The following PTPRT variants were observed in gnomAD, a reference collection of about 807,000 sequenced individuals.
PTPRT encodes receptor-type tyrosine-protein phosphatase T.
A neutral mutation model predicts 176.8 loss-of-function variants in PTPRT; 56 were observed. The ratio of observed to expected loss-of-function variants is 0.32; its 90% confidence interval spans 0.26 to 0.40. The LOEUF (loss-of-function observed/expected upper bound fraction) is 0.40, where lower values mean the gene tolerates loss of function less well. PTPRT is among the 10% of genes least tolerant of loss of function. The pLI is 1.00. For synonymous variants in PTPRT, 783 were observed against 739.0 expected (o/e 1.06, Z -0.96); for missense variants, 1,540 against 1,908.2 (o/e 0.81, Z 3.60).
At chr20:42,668,135 TG>T (rs1319691107) in intron 7 of PTPRT, among the ~76,000 whole-genome samples, 1 of 152,052 alleles carries the variant, frequency 6.6e-6, no homozygotes, top group African/African-American at 2.4e-5. Flanking sequence ...AAGTAGGTGG[TG>T]GGGGGAAAGA....
chr20:42,381,671 G>T (rs1876741856), intron 9 of PTPRT, among the ~76,000 whole-genome samples: 2 of 152,088 alleles, frequency 1.3e-5, no homozygotes, highest in Non-Finnish European at 2.9e-5. Flanking sequence ...TGGAAGAAAA[G>T]GAGGGAGGGA....
intron 9 of PTPRT, among the ~76,000 whole-genome samples, chr20:42,419,049 T>C (rs73271531): frequency 1.3e-5 from 2 of 152,274 alleles, no homozygotes; most frequent in African/African-American, 2.4e-5. Context: ...ACAAATGAAC[T>C]AGCAAATGAA....
chr20:42,204,107 T>G (rs571556391), intron 15 of PTPRT, among the ~76,000 whole-genome samples: 1 of 152,178 alleles, frequency 6.6e-6, no homozygotes. Context: ...AGTAGATACG[T>G]GCAAAGAAAG....
At position 42,202,989 on chromosome 20, in the gene PTPRT, T is replaced by C. The variant is rs777985875; in HGVS notation, c.2343-3601A>G. ...AAACTAAGCATCCCCAAAACACATA[T>C]TTAAAAATTGGAAAGCTAACTGAAT... On this transcript the variant is annotated intron_variant, in intron 15 of 30. Coordinates refer to ENST00000373187, the MANE Select transcript of PTPRT (RefSeq NM_007050.6). Among the ~76,000 whole-genome samples the C allele has an allele frequency of 2.0e-5, 3 of 152,204 alleles. No homozygotes were observed. In the East Asian group the frequency reaches 5.8e-4, roughly 29 times the overall value.
chr20:42,581,341 C>T (rs573571024), intron 7 of PTPRT, among the ~76,000 whole-genome samples: 48 of 152,236 alleles, frequency 3.2e-4, no homozygotes, highest in African/African-American at 1.2e-3. Context: ...TTTAGCATAC[C>T]ATGAACTCTA....
At chr20:43,171,166 T>G (rs557991361) in intron 1 of PTPRT, among the ~76,000 whole-genome samples, 2 of 152,326 alleles carry the variant, frequency 1.3e-5, no homozygotes, top group East Asian at 3.9e-4. Flanking sequence ...ATTATTATCT[T>G]TCTTTAGAAA....
chr20:42,101,187 G>A (rs1462822993), intron 26 of PTPRT, among the ~76,000 whole-genome samples: 2 of 152,182 alleles, frequency 1.3e-5, no homozygotes, highest in Non-Finnish European at 2.9e-5. Context: ...AGCCTCAGGA[G>A]GTGAGATGTT....
At position 42,914,767 on chromosome 20, in the gene PTPRT, G is replaced by A. The variant is rs74522777; in HGVS notation, c.89-28835C>T. 9.4e-3 allele frequency among the ~76,000 whole-genome samples: 1,434 copies of A among 152,226 alleles called. 9 individuals are homozygous for A. Among genetic ancestry groups the A allele is most frequent in the South Asian group, 0.015 (72 of 4,822 alleles). On this transcript the variant is annotated intron_variant, in intron 1 of 30. Coordinates refer to ENST00000373187, the MANE Select transcript of PTPRT (RefSeq NM_007050.6). Reference sequence around the variant, plus strand: ...CACATTATCAATACATAAGGGATAAGTGGATAGGGGTATGGGTGAAACAAA... The same window carrying A: ...CACATTATCAATACATAAGGGATAAATGGATAGGGGTATGGGTGAAACAAA...
chr20:42,559,767 T>C (rs2072920078), intron 7 of PTPRT, among the ~76,000 whole-genome samples: 1 of 152,246 alleles, frequency 6.6e-6, no homozygotes, highest in African/African-American at 2.4e-5. Context: ...GCAATTGTAC[T>C]TAGCCTGTTT....
At chr20:43,018,323 AT>A (rs1269130467) in intron 1 of PTPRT, among the ~76,000 whole-genome samples, 1 of 152,266 alleles carries the variant, frequency 6.6e-6, no homozygotes, top group Non-Finnish European at 1.5e-5. Context: ...TTTGAAAAAA[AT>A]ATTACATTCT....
rs1980158881 is a variant in PTPRT at position 42,935,904 on chromosome 20, A to G, written c.89-49972T>C. 5.9e-5 allele frequency among the ~76,000 whole-genome samples: 9 copies of G among 152,286 alleles called. No individual in the cohort carries two copies. The South Asian group carries it at 1.9e-3, about 32-fold the overall frequency. The stretch of plus-strand genomic sequence containing the variant: ...AGCTGGGATTACAGCATGTGCCACC[A>G]CATCTAGCTAATTCTGTATTTTTAA... On this transcript the variant is annotated intron_variant, in intron 1 of 30. Coordinates refer to ENST00000373187, the MANE Select transcript of PTPRT (RefSeq NM_007050.6).
At chr20:42,393,832 T>C (rs1391572730) in intron 9 of PTPRT, among the ~76,000 whole-genome samples, 2 of 152,208 alleles carry the variant, frequency 1.3e-5, no homozygotes, top group African/African-American at 2.4e-5. Flanking sequence ...TAGGAATGTA[T>C]AGGTCACATG....
chr20:42,591,220 G>T (rs2073568449), intron 7 of PTPRT, among the ~76,000 whole-genome samples: 1 of 152,024 alleles, frequency 6.6e-6, no homozygotes, highest in Non-Finnish European at 1.5e-5. Flanking sequence ...TGATAAATTT[G>T]ACTACATGAT....
chr20:42,489,898 G>C (rs1299861166), intron 7 of PTPRT, among the ~76,000 whole-genome samples: 2 of 152,118 alleles, frequency 1.3e-5, no homozygotes, highest in Non-Finnish European at 2.9e-5. Context: ...TGACATCTTA[G>C]GTCTCCAAAG....
chr20:42,640,083 T>C (rs967226555), intron 7 of PTPRT, among the ~76,000 whole-genome samples: 3 of 152,138 alleles, frequency 2.0e-5, no homozygotes, highest in African/African-American at 7.2e-5. Context: ...TGCTACAATC[T>C]GGTTTCTGCC....
At chr20:42,563,069 A>G (rs1297659939) in intron 7 of PTPRT, among the ~76,000 whole-genome samples, 3 of 152,214 alleles carry the variant, frequency 2.0e-5, no homozygotes, top group Non-Finnish European at 4.4e-5. Context: ...AATTAAAAAC[A>G]TCTCTATATA....
intron 7 of PTPRT, among the ~76,000 whole-genome samples, chr20:42,592,179 G>A (rs1449189069): frequency 1.3e-5 from 2 of 150,120 alleles, no homozygotes; most frequent in Non-Finnish European, 3.0e-5. Context: ...GTTTCACCGT[G>A]TTAGCCAGGA....
intron 15 of PTPRT, among the ~76,000 whole-genome samples, chr20:42,203,005 C>T (rs1991512781): frequency 6.6e-6 from 1 of 152,028 alleles, no homozygotes; most frequent in Non-Finnish European, 1.5e-5. Context: ...AATTGGAAAG[C>T]TAACTGAATT....
intron 1 of PTPRT, among the ~76,000 whole-genome samples, chr20:42,890,724 G>A (rs1333423470): frequency 2.0e-5 from 3 of 152,116 alleles, no homozygotes; most frequent in Non-Finnish European, 2.9e-5. Flanking sequence ...GGCCCCAGAC[G>A]TTGCTGCAGG....
Sources: gnomAD v4.1 joint callset for allele counts (sites outside exome capture counted in the v4.1 genomes callset) on GRCh38, gnomAD v4.1.1 for gene constraint, MANE v1.5 for transcripts, NCBI Gene and HGNC (gene_info 2026-07-23, HGNC 2026-07-21) for gene names.